The following DIRAS3 variants were observed in gnomAD, a reference collection of about 807,000 sequenced individuals.
DIRAS3 encodes GTP-binding protein Di-Ras3.
For synonymous variants in DIRAS3, 133 were observed against 131.4 expected (o/e 1.01, Z -0.08); for missense variants, 248 against 300.6 (o/e 0.83, Z 1.29).
chr1:68,047,290 T>A lies in DIRAS3; in HGVS notation c.8A>T (p.Asn3Ile). Residue 3 changes from asparagine (N) to isoleucine (I), a missense_variant, in exon 2 of 2, where the codon AAC becomes ATC. Transcript: ENST00000646789. MG[N>I]ASFGSKEQKL... ...CTGTTCCTTGGAGCCAAAGCTGGCGTTACCCATCGTTGGGATTCGGAGGGG... is the reference window on the plus strand; with the variant it reads ...CTGTTCCTTGGAGCCAAAGCTGGCGATACCCATCGTTGGGATTCGGAGGGG... The A allele has an allele frequency of 6.2e-7, 1 of 1,612,476 alleles. No individual in the cohort carries two copies. The highest frequency in any genetic ancestry group is 1.7e-4 in the Middle Eastern group (1 of 6,040).
At position 68,046,829 on chromosome 1, in the gene DIRAS3, T is replaced by A; in HGVS notation, c.469A>T (p.Thr157Ser). The stretch of plus-strand genomic sequence containing the variant: ...TCATTCAGGGCCACCTCCCGGTGGG[T>A]GTCATCACTTTTATTGCCCACCAGC... The part of the protein sequence containing the change: ...IVLVGNKSDD[T>S]HREVALNDGA... The change falls in exon 2 of 2, where the codon ACC becomes TCC. Residue 157 changes from threonine to serine, a missense_variant. Transcript: ENST00000646789. The A allele has an allele frequency of 6.2e-7, 1 of 1,614,120 alleles. No individual in the cohort carries two copies. Among genetic ancestry groups the A allele is most frequent in the East Asian group, 2.2e-5 (1 of 44,868 alleles).
chr1:68,047,410 G>A lies in DIRAS3; in HGVS notation c.-65-48C>T, dbSNP rs982569827. 5.1e-6 allele frequency: 5 copies of A among 979,004 alleles called. No homozygotes were observed. In the African/African-American group the frequency reaches 6.5e-5, roughly 13 times the overall value. 60.6% of individuals were successfully genotyped at this position (979,004 alleles called of 1,614,324 possible). On this transcript the variant is annotated intron_variant, in intron 1 of 1. Transcript: ENST00000646789. ...AGAGATGGTAGTGGTAACCTACAAT[G>A]TTGTCAGATCATGTCAGCCTGGCCA... is the stretch of plus-strand genomic sequence containing the variant.
chr1:68,049,057 T>C (rs1454486466), intron 1 of DIRAS3, among the ~76,000 whole-genome samples: 4 of 151,836 alleles, frequency 2.6e-5, no homozygotes, highest in African/African-American at 7.3e-5. Flanking sequence ...GAGTTTTCAT[T>C]TGAAAAAAAA....
At chr1:68,048,122 G>C (rs1645698334) in intron 1 of DIRAS3, among the ~76,000 whole-genome samples, 1 of 114,758 alleles carries the variant, frequency 8.7e-6, no homozygotes, top group African/African-American at 3.3e-5. Context: ...GATTAGAAAA[G>C]ATTGTAAATA....
intron 1 of DIRAS3, among the ~76,000 whole-genome samples, chr1:68,048,898 C>A (rs1328932099): frequency 6.6e-6 from 1 of 151,840 alleles, no homozygotes; most frequent in Non-Finnish European, 1.5e-5. Context: ...TGACACCATG[C>A]CCAGCTAATT....
At chr1:68,049,364 T>A (rs1645710170) in intron 1 of DIRAS3, 1 of 152,302 alleles carries the variant, frequency 6.6e-6, no homozygotes, top group Admixed American at 6.5e-5. Context: ...TAATATTAAG[T>A]AATGACATCA....
chr1:68,046,997 GA>G lies in DIRAS3; in HGVS notation c.300del (p.Leu101CysfsTer6). 6 of 1,614,160 alleles carry G rather than the reference GA, an allele frequency of 3.7e-6. No homozygotes were observed. Among genetic ancestry groups the G allele is most frequent in the Non-Finnish European group, 5.1e-6 (6 of 1,180,042 alleles). On this transcript the variant is annotated frameshift_variant, in exon 2 of 2. Transcript: ENST00000646789. LOFTEE classifies it low-confidence loss of function (END_TRUNC). ...CCCCGGGCTATAACGTGGCGCTGCA[GA>G]GCGCGGTTGCCGTCGCCACTCTTGC... ...TDSKSGDGNR[A>X]LQRHVIARGH...
rs767890803 is a variant in DIRAS3, at chr1:68,046,610, A to G, written c.688T>C (p.Ter230ArgextTer15). ...AGCTGGCTCTTAAGGCCCAGGGCTC[A>G]CATGATTATGCACTTGTCAAGCAGC... ...EKLLDKCIIM* is the reference protein window; with the variant it reads ...EKLLDKCIIMR Residue 230 changes from the stop codon to arginine (R), a stop_lost, in exon 2 of 2, where the codon TGA (stop) becomes CGA (arginine). Coordinates refer to ENST00000646789, the MANE Select transcript of DIRAS3 (RefSeq NM_004675.5). 6.2e-7 allele frequency: 1 copy of G among 1,613,632 alleles called. No individual in the cohort carries two copies. Among genetic ancestry groups the G allele is most frequent in the Non-Finnish European group, 8.5e-7 (1 of 1,179,820 alleles).
At chr1:68,048,052 ATATATATATATATATATAT>A (rs1645696701) in intron 1 of DIRAS3, among the ~76,000 whole-genome samples, 1 of 74,858 alleles carries the variant, frequency 1.3e-5, no homozygotes, top group Non-Finnish European at 2.6e-5. Context: ...AAAAAAAAAT[ATATATATATATATATATAT>A]ATATATATAT....
chr1:68,050,470 A>C lies in DIRAS3; in HGVS notation c.-66+78T>G, dbSNP rs896906502. 1.3e-5 allele frequency: 2 copies of C among 152,096 alleles called. No homozygotes were observed. Among genetic ancestry groups the C allele is most frequent in the Non-Finnish European group, 2.9e-5 (2 of 68,026 alleles). 9.4% of individuals were successfully genotyped at this position (152,096 alleles called of 1,614,324 possible). On this transcript the variant is annotated intron_variant, in intron 1 of 1. Coordinates refer to ENST00000646789, the MANE Select transcript of DIRAS3 (RefSeq NM_004675.5). The surrounding 1 kb of genome is among the most constrained non-coding windows in gnomAD (Gnocchi z 4.5). ...AGGGACAACTCGCCCATAAACTTCT[A>C]CTGCGCAACAGCATCTGCTGCTTTG...
Position 68,046,146 on chromosome 1 carries a change from A to T in DIRAS3, c.*462T>A, listed in dbSNP as rs750655746. 1.3e-5 allele frequency: 2 copies of T among 156,332 alleles called. No individual in the cohort carries two copies. The highest frequency in any genetic ancestry group is 2.8e-5 in the Non-Finnish European group (2 of 70,634). The allele number at this position is 156,332 out of a possible 1,614,324, so 9.7% of individuals were successfully genotyped here. Reference sequence around the variant, plus strand: ...ACATATTCATTTTTTTATTTAGTATATGTCACGCAGCAATTTATCAAAAGC... The same window carrying T: ...ACATATTCATTTTTTTATTTAGTATTTGTCACGCAGCAATTTATCAAAAGC... On this transcript the variant is annotated 3_prime_UTR_variant, in exon 2 of 2. Transcript: ENST00000646789.
At chr1:68,048,669 C>T (rs1012223237) in intron 1 of DIRAS3, among the ~76,000 whole-genome samples, 1 of 151,908 alleles carries the variant, frequency 6.6e-6, no homozygotes, top group Non-Finnish European at 1.5e-5. Context: ...GGAAAAGGAC[C>T]CTTTTTAGAA....
chr1:68,049,600 A>G (rs1007412030), intron 1 of DIRAS3: 3 of 152,320 alleles, frequency 2.0e-5, no homozygotes, highest in Non-Finnish European at 2.9e-5. Flanking sequence ...ACTCCATGTT[A>G]GTATCAAGAG....
chr1:68,050,036 G>A lies in DIRAS3; in HGVS notation c.-66+512C>T, dbSNP rs74081342. On this transcript the variant is annotated intron_variant, in intron 1 of 1. Transcript: ENST00000646789. The surrounding 1 kb of genome is among the most constrained non-coding windows in gnomAD (Gnocchi z 4.5). ...GCCTCAGGCTGAGGGGGAGGTGAAAGTTTCCAGGAACCAGAGGGCGTCCAA... is the reference window on the plus strand; with the variant it reads ...GCCTCAGGCTGAGGGGGAGGTGAAAATTTCCAGGAACCAGAGGGCGTCCAA... Among the ~76,000 whole-genome samples, 1 of 148,120 alleles carries A rather than the reference G, an allele frequency of 6.8e-6. No individual in the cohort carries two copies. Among genetic ancestry groups the A allele is most frequent in the African/African-American group, 2.6e-5 (1 of 38,972 alleles).
chr1:68,047,366 G>T lies in DIRAS3; in HGVS notation c.-65-4C>A. 10 of 1,416,030 alleles carry T rather than the reference G, an allele frequency of 7.1e-6. No homozygotes were observed. The highest frequency in any genetic ancestry group is 9.7e-6 in the Non-Finnish European group (10 of 1,036,256). The allele number at this position is 1,416,030 out of a possible 1,614,324, so 87.7% of individuals were successfully genotyped here. A position where few individuals can be genotyped will look rare whatever the true frequency, so the allele number is the denominator to read the frequency against. On this transcript the variant is annotated splice_polypyrimidine_tract_variant and splice_region_variant and intron_variant, in intron 1 of 1. Coordinates refer to ENST00000646789, the MANE Select transcript of DIRAS3 (RefSeq NM_004675.5). ...CTTAGCTGGCAGCAGGAGACCCCTA[G>T]GAAGAAAGTGAGACGGTGAGAGATG...
chr1:68,048,624 G>T (rs1645702101), intron 1 of DIRAS3, among the ~76,000 whole-genome samples: 1 of 152,082 alleles, frequency 6.6e-6, no homozygotes, highest in Non-Finnish European at 1.5e-5. Flanking sequence ...TGTCTTGCTG[G>T]CTGCGTAGTT....
Position 68,046,420 on chromosome 1 carries a change from T to C in DIRAS3, c.*188A>G. 1.8e-6 allele frequency: 1 copy of C among 564,162 alleles called. No individual in the cohort carries two copies. Among genetic ancestry groups the C allele is most frequent in the Non-Finnish European group, 3.0e-6 (1 of 327,902 alleles). 34.9% of individuals were successfully genotyped at this position (564,162 alleles called of 1,614,324 possible). ...TTCTCCTCTTCAAATGCCAATGTTT[T>C]AACAATTTGAATTCTCTGGCCTGGG... On this transcript the variant is annotated 3_prime_UTR_variant, in exon 2 of 2. Transcript: ENST00000646789.
chr1:68,049,571 C>T (rs771949091), intron 1 of DIRAS3: 7 of 152,348 alleles, frequency 4.6e-5, no homozygotes, highest in Non-Finnish European at 8.8e-5. Flanking sequence ...CTTGTCTGCA[C>T]TCTCCACAAC....
At chr1:68,050,000 C>T (rs1303732730) in intron 1 of DIRAS3, among the ~76,000 whole-genome samples, 2 of 148,254 alleles carry the variant, frequency 1.3e-5, no homozygotes, top group Admixed American at 6.7e-5. Flanking sequence ...TCCACCTTCC[C>T]AGGCCACCTG....
Sources: allele counts gnomAD v4.1 joint callset (sites outside exome capture counted in the v4.1 genomes callset), GRCh38; gene constraint gnomAD v4.1.1; non-coding constraint Gnocchi (gnomAD v3.1); transcripts MANE v1.5; gene names NCBI Gene and HGNC (gene_info 2026-07-23, HGNC 2026-07-21).